Variants in ADAMTS6 observed in about 807,000 individuals in gnomAD.
The protein encoded by ADAMTS6 is A disintegrin and metalloproteinase with thrombospondin motifs 6.
A neutral mutation model predicts 144.3 loss-of-function variants in ADAMTS6; 23 were observed. That is an observed-to-expected ratio of 0.16 (90% CI 0.11 to 0.23). The LOEUF (loss-of-function observed/expected upper bound fraction) is 0.23, where lower values mean the gene tolerates loss of function less well. Among genes scored for constraint, ADAMTS6 ranks in the 10% least tolerant of loss-of-function variants. The probability of loss-of-function intolerance (pLI) is 1.00; values close to 1 mark genes in which losing one functional copy is unlikely to be tolerated. For missense variants in ADAMTS6, 999 were observed against 1,379.6 expected (o/e 0.72, Z 4.37); for synonymous variants, 444 against 457.5 (o/e 0.97, Z 0.38).
At chr5:65,360,723 T>A (rs148709265) in intron 7 of ADAMTS6, among the ~76,000 whole-genome samples, 231 of 152,324 alleles carry the variant, frequency 1.5e-3, no homozygotes, top group African/African-American at 5.1e-3. Context: ...ACGGTGGGAA[T>A]TGACCATTAC....
At chr5:65,159,603 G>A (rs1011213642) in intron 24 of ADAMTS6, among the ~76,000 whole-genome samples, 1 of 152,158 alleles carries the variant, frequency 6.6e-6, no homozygotes, top group African/African-American at 2.4e-5. Context: ...TGATGCTTCT[G>A]CTGATTACCT....
At chr5:65,271,845 T>C (rs1012562532) in intron 12 of ADAMTS6, among the ~76,000 whole-genome samples, 1 of 152,156 alleles carries the variant, frequency 6.6e-6, no homozygotes, top group Non-Finnish European at 1.5e-5. Flanking sequence ...GTTTCAAGAA[T>C]GCAATTCCTA....
At chr5:65,173,753 G>C (rs1271637222) in intron 22 of ADAMTS6, among the ~76,000 whole-genome samples, 1 of 152,064 alleles carries the variant, frequency 6.6e-6, no homozygotes, top group Non-Finnish European at 1.5e-5. Flanking sequence ...GGCCAGGCAC[G>C]GCAGCTTACG....
intron 20 of ADAMTS6, among the ~76,000 whole-genome samples, chr5:65,211,635 T>A (rs2112311657): frequency 6.6e-6 from 1 of 151,526 alleles, no homozygotes. Context: ...AAACAAAAAA[T>A]AAACAAAAAA....
intron 8 of ADAMTS6, among the ~76,000 whole-genome samples, chr5:65,329,929 CA>C (rs1206051137): frequency 1.2e-4 from 18 of 151,812 alleles, no homozygotes; most frequent in Non-Finnish European, 5.9e-5. Context: ...GGGGGAATCC[CA>C]AATTATTTTT....
chr5:65,213,842 T>C (rs749118117), intron 20 of ADAMTS6, among the ~76,000 whole-genome samples: 2 of 151,986 alleles, frequency 1.3e-5, no homozygotes, highest in Non-Finnish European at 2.9e-5. Flanking sequence ...ATTTACTTTA[T>C]TTTAATTTTT....
At chr5:65,274,348 AC>A (rs1173622121) in intron 11 of ADAMTS6, among the ~76,000 whole-genome samples, 1 of 152,026 alleles carries the variant, frequency 6.6e-6, no homozygotes, top group African/African-American at 2.4e-5. Flanking sequence ...TAGCATCATT[AC>A]CAATGTTACA....
chr5:65,253,207 A>G lies in ADAMTS6; in HGVS notation c.1830+7393T>C, dbSNP rs536185943. On this transcript the variant is annotated intron_variant, in intron 14 of 24. Coordinates refer to ENST00000381055, the MANE Select transcript of ADAMTS6 (RefSeq NM_197941.4). ...GTACCCAGCCAATTTTCTATTTTCT[A>G]TTGTAACTTACACTTTGAGCATACA... Among the ~76,000 whole-genome samples the G allele has an allele frequency of 3.9e-5, 6 of 152,228 alleles. No homozygotes were observed. The South Asian group carries it at 1.2e-3, about 32-fold the overall frequency.
In ADAMTS6 at chr5:65,151,784, G is replaced by C; in HGVS notation, c.*52C>G. The C allele has an allele frequency of 6.7e-7, 1 of 1,488,930 alleles. No homozygotes were observed. Among genetic ancestry groups the C allele is most frequent in the Non-Finnish European group, 9.3e-7 (1 of 1,070,888 alleles). The allele number at this position is 1,488,930 out of a possible 1,614,324, so 92.2% of individuals were successfully genotyped here. A position where few individuals can be genotyped will look rare whatever the true frequency, so the allele number is the denominator to read the frequency against. On this transcript the variant is annotated 3_prime_UTR_variant, in exon 25 of 25. Transcript: ENST00000381055. ...CTTCCTCTGGGTGGCTCTCTTTGAT[G>C]GATGCATTTCCATGATGAAATGACA...
intron 24 of ADAMTS6, among the ~76,000 whole-genome samples, chr5:65,162,143 T>C (rs1208407174): frequency 6.6e-6 from 1 of 152,248 alleles, no homozygotes; most frequent in Non-Finnish European, 1.5e-5. Flanking sequence ...AATGATATTC[T>C]GCCTACTCTG....
intron 7 of ADAMTS6, among the ~76,000 whole-genome samples, chr5:65,378,716 A>G (rs2150131605): frequency 6.6e-6 from 1 of 152,292 alleles, no homozygotes; most frequent in Middle Eastern, 3.4e-3. Flanking sequence ...TCTGTTTACT[A>G]CAGCACCATA....
chr5:65,413,893 C>T (rs1168999403), intron 7 of ADAMTS6, among the ~76,000 whole-genome samples: 1 of 152,086 alleles, frequency 6.6e-6, no homozygotes, highest in Non-Finnish European at 1.5e-5. Flanking sequence ...CAGACATATA[C>T]TAACTGCTAA....
rs148648222 is a variant in ADAMTS6, at chr5:65,453,094, G to A, written c.632-176C>T. ...TCTGTAAATTTTTGAAAATAATCAC[G>A]TTATCTGAAAAAATTAAACATTCAA... On this transcript the variant is annotated intron_variant, in intron 4 of 24. Transcript: ENST00000381055. Among the ~76,000 whole-genome samples the A allele has an allele frequency of 1.3e-3, 126 of 98,104 alleles. 4 individuals carry two copies. Among genetic ancestry groups the A allele is most frequent in the African/African-American group, 8.0e-3 (119 of 14,828 alleles). The allele number at this position is 98,104 out of a possible 152,430, so 64.4% of individuals were successfully genotyped here.
intron 8 of ADAMTS6, among the ~76,000 whole-genome samples, chr5:65,333,255 A>G (rs1580420747): frequency 6.6e-6 from 1 of 152,120 alleles, no homozygotes; most frequent in Admixed American, 6.6e-5. Flanking sequence ...GTCCTTTAAA[A>G]TAACTTTAGT....
At chr5:65,351,010 C>T (rs893991000) in intron 7 of ADAMTS6, among the ~76,000 whole-genome samples, 32 of 149,950 alleles carry the variant, frequency 2.1e-4, no homozygotes, top group African/African-American at 7.9e-4. Flanking sequence ...CCTCTCTAAC[C>T]ATAATGCTTT....
chr5:65,351,604 C>T lies in ADAMTS6; in HGVS notation c.1074-17519G>A, dbSNP rs566373724. Among the ~76,000 whole-genome samples, 7 of 152,056 alleles carry T rather than the reference C, an allele frequency of 4.6e-5. No individual in the cohort carries two copies. The East Asian group carries it at 1.3e-3, about 29-fold the overall frequency. On this transcript the variant is annotated intron_variant, in intron 7 of 24. Transcript: ENST00000381055. Reference sequence around the variant, plus strand: ...TGACCTTATTATATGTGGAGCTATGCCAGATAAAATACCAAGAAAATTAGC... The same window carrying T: ...TGACCTTATTATATGTGGAGCTATGTCAGATAAAATACCAAGAAAATTAGC...
At chr5:65,260,430 A>G (rs981843299) in intron 14 of ADAMTS6, among the ~76,000 whole-genome samples, 170 bp downstream of exon 14, 2 of 152,122 alleles carry the variant, frequency 1.3e-5, no homozygotes, top group Admixed American at 1.3e-4. Flanking sequence ...GACCCTTATT[A>G]ATGGAATTGA....
chr5:65,413,000 G>T (rs537216982), intron 7 of ADAMTS6, among the ~76,000 whole-genome samples: 1 of 152,062 alleles, frequency 6.6e-6, no homozygotes, highest in South Asian at 2.1e-4. Context: ...TTGCTTAATA[G>T]TTTGCTAACA....
chr5:65,252,549 T>C (rs562449453), intron 14 of ADAMTS6, among the ~76,000 whole-genome samples: 1 of 150,896 alleles, frequency 6.6e-6, no homozygotes, highest in Admixed American at 6.6e-5. Context: ...CAATTTTATA[T>C]ATATTTTAAA....
Sources: gnomAD v4.1 joint callset for allele counts (sites outside exome capture counted in the v4.1 genomes callset) on GRCh38, gnomAD v4.1.1 for gene constraint, MANE v1.5 for transcripts, NCBI Gene and HGNC (gene_info 2026-07-23, HGNC 2026-07-21) for gene names.